The following FAM53A variants were observed in gnomAD, a reference collection of about 807,000 sequenced individuals.
FAM53A encodes the protein family with sequence similarity 53 member A.
In FAM53A, 28 loss-of-function variants were observed where a neutral mutation model predicts 26.6. That is an observed-to-expected ratio of 1.05 (90% CI 0.78 to 1.45). The LOEUF is 1.45. FAM53A is among the 40% of genes most tolerant of loss of function. The pLI is 0.00. For synonymous variants in FAM53A, 290 were observed against 253.1 expected, an observed-to-expected ratio of 1.15 and a Z score of -1.38; for missense variants, 650 against 575.8, an observed-to-expected ratio of 1.13 and a Z score of -1.32.
At chr4:1,637,025 C>T (rs1343659940), downstream of FAM53A, among the ~76,000 whole-genome samples, 2 of 152,210 alleles carry the variant, frequency 1.3e-5, no homozygotes, top group Non-Finnish European at 2.9e-5. Flanking sequence ...AAGGAGCTCC[C>T]GCTGCACCAG....
At chr4:1,584,820 T>C in the FAM53A span, among the ~76,000 whole-genome samples, 2 of 152,262 alleles carry the variant, frequency 1.3e-5, no homozygotes, top group African/African-American at 2.4e-5. Context: ...TTCTCTGACC[T>C]AGCCTCGAAA....
the FAM53A span, among the ~76,000 whole-genome samples, chr4:1,577,230 A>G: frequency 1.8e-4 from 27 of 152,148 alleles, 1 homozygote; most frequent in African/African-American, 6.5e-4. Context: ...ACACAGGGAG[A>G]GCAGAGGGGA....
chr4:1,605,583 C>T, the FAM53A span, among the ~76,000 whole-genome samples: 1 of 152,060 alleles, frequency 6.6e-6, no homozygotes, highest in Non-Finnish European at 1.5e-5. This position sits in a 1 kb window ranked among gnomAD's most constrained non-coding sequence, Gnocchi z 5.7. Context: ...GCCACACTTC[C>T]CATCCCTCCT....
At chr4:1,670,411 C>T (rs1714554411) in intron 1 of FAM53A, among the ~76,000 whole-genome samples, 1 of 152,234 alleles carries the variant, frequency 6.6e-6, no homozygotes, top group East Asian at 1.9e-4. Context: ...CAGAGCCTTC[C>T]CGTCACCAGG....
chr4:1,648,835 G>A (rs79563570), intron 4 of FAM53A, among the ~76,000 whole-genome samples: 197 of 152,330 alleles, frequency 1.3e-3, no homozygotes, highest in African/African-American at 4.1e-3. Context: ...GGGGCAAGCC[G>A]GGAGTGGTGG....
the FAM53A span, among the ~76,000 whole-genome samples, chr4:1,583,610 G>A: frequency 6.6e-6 from 1 of 152,246 alleles, no homozygotes; most frequent in African/African-American, 2.4e-5. Context: ...CAGTCCTGCA[G>A]CTCCCAGCAG....
the FAM53A span, among the ~76,000 whole-genome samples, chr4:1,610,798 C>T: frequency 2.0e-5 from 3 of 152,092 alleles, no homozygotes; most frequent in Non-Finnish European, 2.9e-5. Context: ...GGCAGCCAGA[C>T]GCCCCCATCT....
chr4:1,618,338 G>A (rs1483042944), intron 1 of FAM53A, among the ~76,000 whole-genome samples: 3 of 152,188 alleles, frequency 2.0e-5, no homozygotes, highest in South Asian at 4.2e-4. Context: ...CAAAGACCTG[G>A]CCAGAATCCC....
chr4:1,680,397 C>T (rs1195946978), intron 1 of FAM53A, among the ~76,000 whole-genome samples: 1 of 146,304 alleles, frequency 6.8e-6, no homozygotes, highest in Non-Finnish European at 1.5e-5. Flanking sequence ...TGTCCAAAAT[C>T]CAGAACACTG....
rs550830668 is a variant in FAM53A, at chr4:1,631,271, T to C, written c.432-13160A>G. ...GCCCCGGGAGCTGCAATAGCAGCGG[T>C]GGACAAGCCAGAGGCAGCCCCAGGC... On this transcript the variant is annotated intron_variant, in intron 1 of 1. Transcript: ENST00000489029. 3.1e-3 allele frequency among the ~76,000 whole-genome samples: 471 copies of C among 152,244 alleles called. 2 individuals are homozygous for C. The highest frequency in any genetic ancestry group is 5.0e-3 in the Non-Finnish European group (339 of 67,998).
intron 1 of FAM53A, among the ~76,000 whole-genome samples, chr4:1,631,923 G>T (rs952192881): frequency 6.6e-6 from 1 of 152,172 alleles, no homozygotes; most frequent in Non-Finnish European, 1.5e-5. Flanking sequence ...AACACTTTGG[G>T]AGGCCAAGAT....
At chr4:1,662,335 C>T (rs535361210) in intron 2 of FAM53A, among the ~76,000 whole-genome samples, 1 of 151,762 alleles carries the variant, frequency 6.6e-6, no homozygotes, top group African/African-American at 2.4e-5. Flanking sequence ...AAAAATTAGC[C>T]GGGCGTGATG....
intron 1 of FAM53A, among the ~76,000 whole-genome samples, chr4:1,673,282 G>A (rs963836445): frequency 6.6e-5 from 10 of 152,284 alleles, no homozygotes; most frequent in South Asian, 2.1e-4. Context: ...CCTCAGCACC[G>A]TCAGATGCCA....
the FAM53A span, among the ~76,000 whole-genome samples, chr4:1,601,678 G>A: frequency 7.8e-4 from 86 of 110,230 alleles, 30 homozygotes; most frequent in Middle Eastern, 0.031. Flanking sequence ...CCATTCCCCA[G>A]GAGCAACATT....
the FAM53A span, chr4:1,574,653 C>G: frequency 6.6e-6 from 1 of 152,588 alleles, no homozygotes; most frequent in African/African-American, 2.4e-5. Context: ...AAGGGACCCC[C>G]AGCCCCACTC....
the FAM53A span, among the ~76,000 whole-genome samples, chr4:1,575,148 C>T: frequency 1.3e-5 from 2 of 152,214 alleles, no homozygotes; most frequent in Non-Finnish European, 2.9e-5. Context: ...GAAGAGGCAG[C>T]TGGGGGCCAC....
rs373716800 is a variant in FAM53A, at chr4:1,642,407, G to A, written c.883-800C>T. 1.2e-4 allele frequency among the ~76,000 whole-genome samples: 19 copies of A among 152,162 alleles called. No homozygotes were observed. In the South Asian group the frequency reaches 3.3e-3, roughly 27 times the overall value. On this transcript the variant is annotated intron_variant, in intron 4 of 4. Coordinates refer to ENST00000308132, the MANE Select transcript of FAM53A (RefSeq NM_001174070.3). ...CCGGCCCTCCCTCTGCCCTCCGGAG[G>A]TGCCGCCACCACCCCCTTCTCACTC... is the stretch of plus-strand genomic sequence containing the variant.
At chr4:1,613,153 A>G (rs1346822838), downstream of FAM53A, among the ~76,000 whole-genome samples, 1 of 152,232 alleles carries the variant, frequency 6.6e-6, no homozygotes, top group Non-Finnish European at 1.5e-5. Context: ...TGCACAAGGC[A>G]TGGCCAACTC....
intron 4 of FAM53A, among the ~76,000 whole-genome samples, chr4:1,646,721 G>C (rs1162580760): frequency 6.6e-6 from 1 of 152,172 alleles, no homozygotes; most frequent in Non-Finnish European, 1.5e-5. Flanking sequence ...CTTGTCCTTA[G>C]GTTCTAGCCC....
Sources: gnomAD v4.1 joint callset for allele counts (sites outside exome capture counted in the v4.1 genomes callset) on GRCh38, gnomAD v4.1.1 for gene constraint, Gnocchi (gnomAD v3.1) non-coding constraint, MANE v1.5 for transcripts, NCBI Gene and HGNC (gene_info 2026-07-23, HGNC 2026-07-21) for gene names.